Variants in FAM184B observed in about 807,000 individuals in gnomAD.
The protein encoded by FAM184B is family with sequence similarity 184 member B, also known as protein FAM184B.
FAM184B carries 111 observed loss-of-function variants against 135.9 expected under a neutral mutation model. The observed-to-expected ratio is 0.82, with a 90% CI of 0.70 to 0.96. The LOEUF (loss-of-function observed/expected upper bound fraction) is 0.96. Among genes scored for constraint, FAM184B ranks in the 40% least tolerant of loss-of-function variants. The probability of loss-of-function intolerance (pLI) is 0.00; values close to 1 mark genes in which losing one functional copy is unlikely to be tolerated. For missense variants in FAM184B, 1,375 were observed against 1,323.9 expected (o/e 1.04, Z -0.60); for synonymous variants, 552 against 524.8 (o/e 1.05, Z -0.71).
At chr4:17,697,268 A>T (rs999009647) in intron 5 of FAM184B, among the ~76,000 whole-genome samples, 1 of 152,168 alleles carries the variant, frequency 6.6e-6, no homozygotes, top group African/African-American at 2.4e-5. Context: ...TGAGTTTCCA[A>T]GTTGAACATC....
At chr4:17,710,824 C>G (rs980083385) in intron 1 of FAM184B, among the ~76,000 whole-genome samples, 2 of 152,140 alleles carry the variant, frequency 1.3e-5, no homozygotes, top group Non-Finnish European at 1.5e-5. Flanking sequence ...GTAGGTAGAA[C>G]AGGTAAGCAG....
chr4:17,711,052 T>C (rs1036098693), intron 1 of FAM184B, among the ~76,000 whole-genome samples: 6 of 152,246 alleles, frequency 3.9e-5, no homozygotes, highest in Non-Finnish European at 7.4e-5. Context: ...AATGACCCCA[T>C]GGAGAATCCA....
chr4:17,765,722 G>T (rs1577294909), intron 1 of FAM184B, among the ~76,000 whole-genome samples: 1 of 152,174 alleles, frequency 6.6e-6, no homozygotes, highest in Admixed American at 6.5e-5. Flanking sequence ...GTCCGGAAAT[G>T]GTGGGTTCTT....
chr4:17,645,544 A>G (rs1469384520), intron 12 of FAM184B, among the ~76,000 whole-genome samples: 2 of 152,068 alleles, frequency 1.3e-5, no homozygotes, highest in Non-Finnish European at 2.9e-5. Flanking sequence ...CTGAAACTGG[A>G]TCCCTTCCTT....
At chr4:17,713,744 TCTCA>T (rs1717340203) in intron 1 of FAM184B, among the ~76,000 whole-genome samples, 1 of 152,206 alleles carries the variant, frequency 6.6e-6, no homozygotes, top group Non-Finnish European at 1.5e-5. Context: ...CATCTCACCG[TCTCA>T]CTCAGTCATT....
chr4:17,731,188 G>A (rs1233018364), intron 1 of FAM184B, among the ~76,000 whole-genome samples: 36 of 152,168 alleles, frequency 2.4e-4, no homozygotes, highest in African/African-American at 8.4e-4. Flanking sequence ...ACTAAACATG[G>A]AAAGGAACAA....
At chr4:17,660,368 T>TA (rs1348354660) in intron 8 of FAM184B, among the ~76,000 whole-genome samples, 1 of 152,196 alleles carries the variant, frequency 6.6e-6, no homozygotes, top group East Asian at 1.9e-4. Flanking sequence ...GGGTTCTTAA[T>TA]AAATGATGAT....
intron 7 of FAM184B, among the ~76,000 whole-genome samples, chr4:17,677,587 A>C (rs1716341538): frequency 6.6e-6 from 1 of 152,220 alleles, no homozygotes; most frequent in East Asian, 1.9e-4. Context: ...GAATTCTATC[A>C]GACATTCAAA....
intron 1 of FAM184B, among the ~76,000 whole-genome samples, chr4:17,776,431 C>T (rs1360088565): frequency 1.3e-5 from 2 of 152,162 alleles, no homozygotes; most frequent in Non-Finnish European, 2.9e-5. Flanking sequence ...TCTTGTTGCC[C>T]AGGCTGGAGT....
At chr4:17,766,719 C>T (rs987523170) in intron 1 of FAM184B, among the ~76,000 whole-genome samples, 4 of 152,250 alleles carry the variant, frequency 2.6e-5, no homozygotes, top group African/African-American at 9.6e-5. Flanking sequence ...CAAGTCCCTA[C>T]TAGACTCAGG....
chr4:17,688,297 A>T, intron 7 of FAM184B, 127 bp downstream of exon 7: 2 of 642,450 alleles, frequency 3.1e-6, no homozygotes, highest in Non-Finnish European at 2.6e-6. Flanking sequence ...TTTTCCGGGC[A>T]TTTTGGCAGT....
rs1714922027 is a variant in FAM184B, at chr4:17,631,058, A to C, written c.*1474T>G. On this transcript the variant is annotated 3_prime_UTR_variant, in exon 18 of 18. Coordinates refer to ENST00000265018, the MANE Select transcript of FAM184B (RefSeq NM_015688.2). ...TCTTGTCAAATCACATTGCTCTGTC[A>C]GAAGGTAAGACAAATCAGTGTGGAC... The C allele has an allele frequency of 6.6e-6, 1 of 152,242 alleles. No individual in the cohort carries two copies. Among genetic ancestry groups the C allele is most frequent in the Non-Finnish European group, 1.5e-5 (1 of 68,042 alleles). 9.4% of individuals were successfully genotyped at this position (152,242 alleles called of 1,614,324 possible).
At chr4:17,780,617 C>T (rs1719013925) in intron 1 of FAM184B, among the ~76,000 whole-genome samples, 1 of 152,000 alleles carries the variant, frequency 6.6e-6, no homozygotes, top group Non-Finnish European at 1.5e-5. Flanking sequence ...TTTGGTGAAT[C>T]GTGCTCTTCC....
intron 1 of FAM184B, among the ~76,000 whole-genome samples, chr4:17,717,672 A>G (rs1445519410): frequency 6.6e-6 from 1 of 152,116 alleles, no homozygotes; most frequent in Non-Finnish European, 1.5e-5. Flanking sequence ...GAGGCCTGTT[A>G]GGGTCGTAGA....
intron 12 of FAM184B, among the ~76,000 whole-genome samples, chr4:17,645,687 A>G (rs2108933111): frequency 6.6e-6 from 1 of 152,262 alleles, no homozygotes; most frequent in South Asian, 2.1e-4. Flanking sequence ...CATGTCTAAA[A>G]CACCAAAAGC....
intron 5 of FAM184B, among the ~76,000 whole-genome samples, chr4:17,696,775 T>C (rs1716874024): frequency 6.6e-6 from 1 of 152,068 alleles, no homozygotes; most frequent in Non-Finnish European, 1.5e-5. Flanking sequence ...ATCGCATCAC[T>C]GTATTCCAGC....
intron 1 of FAM184B, among the ~76,000 whole-genome samples, chr4:17,747,447 C>T (rs1448055566): frequency 1.3e-5 from 2 of 151,990 alleles, no homozygotes; most frequent in Non-Finnish European, 2.9e-5. Flanking sequence ...TTGGTACTTC[C>T]GAAGTCTGGA....
At chr4:17,642,035 G>T (rs1205370177) in intron 13 of FAM184B, 21 bp downstream of exon 13, 4 of 1,515,132 alleles carry the variant, frequency 2.6e-6, no homozygotes, top group African/African-American at 2.8e-5. Flanking sequence ...GCGCGGTGGC[G>T]GGGCGCGCCG....
chr4:17,684,575 C>T (rs1577259668), intron 7 of FAM184B, among the ~76,000 whole-genome samples: 1 of 152,224 alleles, frequency 6.6e-6, no homozygotes, highest in East Asian at 1.9e-4. Context: ...TGTTTATGCA[C>T]ACTTCTCCCT....
Sources: allele counts gnomAD v4.1 joint callset (sites outside exome capture counted in the v4.1 genomes callset), GRCh38; gene constraint gnomAD v4.1.1; transcripts MANE v1.5; gene names NCBI Gene and HGNC (gene_info 2026-07-23, HGNC 2026-07-21).